Variants in UBE2E3 observed in about 807,000 individuals in gnomAD.
UBE2E3 encodes ubiquitin conjugating enzyme E2 E3, also known as ubiquitin-conjugating enzyme E2 E3.
Under a neutral mutation model 23.6 loss-of-function variants are expected in UBE2E3, and 5 were observed. The ratio of observed to expected loss-of-function variants is 0.21; its 90% CI spans 0.11 to 0.44. UBE2E3 has a LOEUF of 0.44. UBE2E3 is among the 20% of genes least tolerant of loss of function. The pLI, the probability that UBE2E3 is intolerant of heterozygous loss-of-function variation, is 0.99. For synonymous variants in UBE2E3, 78 were observed against 87.5 expected (o/e 0.89, Z 0.60); for missense variants, 81 against 249.8 (o/e 0.32, Z 4.55).
intron 3 of UBE2E3, among the ~76,000 whole-genome samples, chr2:181,047,324 T>C (rs1294684612): frequency 2.0e-5 from 3 of 152,094 alleles, no homozygotes; most frequent in African/African-American, 7.2e-5. Flanking sequence ...CTGTACTCTT[T>C]ACCTAGCCTG....
chr2:180,986,122 A>G (rs1475509375), intron 3 of UBE2E3, among the ~76,000 whole-genome samples: 2 of 152,160 alleles, frequency 1.3e-5, no homozygotes, highest in African/African-American at 4.8e-5. Flanking sequence ...TTCTGTGAAC[A>G]GTAACATGGA....
chr2:181,038,606 G>A (rs185077587), intron 3 of UBE2E3, among the ~76,000 whole-genome samples: 275 of 152,300 alleles, frequency 1.8e-3, no homozygotes, highest in Admixed American at 6.3e-3. Flanking sequence ...ATAATTGGCA[G>A]GTGGAACTTA....
intron 3 of UBE2E3, among the ~76,000 whole-genome samples, chr2:181,023,473 T>G (rs1291572725): frequency 6.6e-6 from 1 of 152,200 alleles, no homozygotes; most frequent in Non-Finnish European, 1.5e-5. Flanking sequence ...TCACCTTTCA[T>G]TTGATAATAA....
intron 4 of UBE2E3, among the ~76,000 whole-genome samples, chr2:181,060,011 A>G (rs1211167637): frequency 2.0e-5 from 3 of 151,526 alleles, no homozygotes; most frequent in Non-Finnish European, 1.5e-5. Flanking sequence ...TTCTTTTCTC[A>G]CACATTTCAG....
At chr2:180,980,381 G>C (rs1487405188), upstream of UBE2E3, 1 of 151,754 alleles carries the variant, frequency 6.6e-6, no homozygotes, top group Non-Finnish European at 1.5e-5. The surrounding 1 kb of genome is among the most constrained non-coding windows in gnomAD (Gnocchi z 5.5). Context: ...CGCGGCCAAG[G>C]GCGGCAGGGG....
intron 3 of UBE2E3, among the ~76,000 whole-genome samples, chr2:181,051,479 T>G (rs1306328039): frequency 6.6e-6 from 1 of 151,796 alleles, no homozygotes; most frequent in African/African-American, 2.4e-5. Context: ...ATGAACTGAT[T>G]TATAATCTTA....
chr2:181,025,576 T>A (rs1685858603), intron 3 of UBE2E3, among the ~76,000 whole-genome samples: 1 of 151,936 alleles, frequency 6.6e-6, no homozygotes, highest in South Asian at 2.1e-4. Context: ...ATACCACATA[T>A]TAATTTTTTT....
intron 3 of UBE2E3, among the ~76,000 whole-genome samples, chr2:181,029,595 T>A (rs996096206): frequency 6.6e-6 from 1 of 151,818 alleles, no homozygotes; most frequent in African/African-American, 2.4e-5. Context: ...CTTGTATAAA[T>A]GTTCTTTTTA....
chr2:181,000,082 G>A (rs959825698), intron 3 of UBE2E3, among the ~76,000 whole-genome samples: 25 of 152,134 alleles, frequency 1.6e-4, no homozygotes, highest in African/African-American at 6.0e-4. Flanking sequence ...GCTGCCTTTT[G>A]CAATTTTTGT....
chr2:181,060,216 T>C (rs951494892), intron 4 of UBE2E3, among the ~76,000 whole-genome samples: 4 of 151,742 alleles, frequency 2.6e-5, no homozygotes, highest in Non-Finnish European at 5.9e-5. Flanking sequence ...ATTAGCTGAA[T>C]TGATACTGAT....
chr2:181,031,652 A>G (rs1686082860), intron 3 of UBE2E3, among the ~76,000 whole-genome samples: 1 of 151,222 alleles, frequency 6.6e-6, no homozygotes, highest in South Asian at 2.1e-4. Context: ...TGCCTTTTTG[A>G]TTGATTGAGG....
At chr2:181,038,208 G>A (rs950672734) in intron 3 of UBE2E3, among the ~76,000 whole-genome samples, 1 of 151,940 alleles carries the variant, frequency 6.6e-6, no homozygotes, top group Admixed American at 6.6e-5. Context: ...CATTTTTACT[G>A]TACCTTTCCT....
chr2:181,037,449 G>T (rs565901036), intron 3 of UBE2E3, among the ~76,000 whole-genome samples: 5 of 152,110 alleles, frequency 3.3e-5, no homozygotes, highest in Non-Finnish European at 7.4e-5. Flanking sequence ...GAAGACAGTA[G>T]TGATATATAT....
intron 3 of UBE2E3, among the ~76,000 whole-genome samples, chr2:181,042,078 T>C (rs1686528017): frequency 6.6e-6 from 1 of 152,254 alleles, no homozygotes; most frequent in South Asian, 2.1e-4. Context: ...CCTGGCTTTA[T>C]ACCAGTTTTT....
At chr2:180,989,210 A>C (rs373337708) in intron 3 of UBE2E3, among the ~76,000 whole-genome samples, 1 of 152,126 alleles carries the variant, frequency 6.6e-6, no homozygotes, top group Non-Finnish European at 1.5e-5. Flanking sequence ...AGTTTCTTCA[A>C]CACAACTGTA....
chr2:181,045,253 G>C (rs1020872520), intron 3 of UBE2E3, among the ~76,000 whole-genome samples: 2 of 152,092 alleles, frequency 1.3e-5, no homozygotes, highest in Non-Finnish European at 2.9e-5. Flanking sequence ...GCTGATTATT[G>C]TTACAGCTTT....
intron 4 of UBE2E3, 135 bp from the exon 5 acceptor site, chr2:181,060,530 T>G (rs1687115782): frequency 1.0e-6 from 1 of 987,828 alleles, no homozygotes. Context: ...ATTTTGTTAT[T>G]AAACCTAATC....
At chr2:181,057,851 A>C in intron 4 of UBE2E3, 26 bp downstream of exon 4, 2 of 1,606,718 alleles carry the variant, frequency 1.2e-6, no homozygotes, top group South Asian at 2.2e-5. Flanking sequence ...TGCATTCTTT[A>C]GTATTTAATC....
intron 3 of UBE2E3, among the ~76,000 whole-genome samples, chr2:181,012,853 T>C (rs1024627225): frequency 2.0e-5 from 3 of 152,182 alleles, no homozygotes; most frequent in African/African-American, 7.2e-5. Context: ...CAAGTATTGG[T>C]ATTTCTCATA....
Sources: allele counts gnomAD v4.1 joint callset (sites outside exome capture counted in the v4.1 genomes callset), GRCh38; gene constraint gnomAD v4.1.1; non-coding constraint Gnocchi (gnomAD v3.1); transcripts MANE v1.5; gene names NCBI Gene and HGNC (gene_info 2026-07-23, HGNC 2026-07-21).